CELF2: variants seen among roughly 807,000 people sequenced by gnomAD.
CELF2 encodes CUGBP Elav-like family member 2.
CELF2 carries 8 observed loss-of-function variants against 62.6 expected under a neutral mutation model. That is an observed-to-expected ratio of 0.13 (90% CI 0.07 to 0.23). CELF2 has a LOEUF of 0.23. Among genes scored for constraint, CELF2 ranks in the 10% least tolerant of loss-of-function variants. The probability of loss-of-function intolerance (pLI) is 1.00; values close to 1 mark genes in which losing one functional copy is unlikely to be tolerated. For synonymous variants in CELF2, 258 were observed against 250.0 expected (o/e 1.03, Z -0.30); for missense variants, 333 against 671.0 (o/e 0.50, Z 5.56).
chr10:10,675,100 A>T, the CELF2 span, among the ~76,000 whole-genome samples: 1 of 152,042 alleles, frequency 6.6e-6, no homozygotes, highest in African/African-American at 2.4e-5. Flanking sequence ...ATTTATGTGG[A>T]TCTGAGTTCT....
intron 1 of CELF2, among the ~76,000 whole-genome samples, chr10:10,815,287 C>T (rs1290902146): frequency 2.6e-5 from 4 of 152,056 alleles, no homozygotes; most frequent in Non-Finnish European, 5.9e-5. Context: ...GGGCAACTGG[C>T]CTTGTGCTGA....
chr10:10,627,628 A>G, the CELF2 span, among the ~76,000 whole-genome samples: 1 of 152,200 alleles, frequency 6.6e-6, no homozygotes, highest in Admixed American at 6.5e-5. Flanking sequence ...GCTCTTGGGT[A>G]GAATGCCAAA....
In CELF2 at chr10:11,039,031, G is replaced by T. The variant is rs777227123; in HGVS notation, c.74+20868G>T. Among the ~76,000 whole-genome samples the T allele has an allele frequency of 9.9e-5, 15 of 152,268 alleles. No homozygotes were observed. Among genetic ancestry groups the T allele is most frequent in the Non-Finnish European group, 2.2e-4 (15 of 68,024 alleles). ...CCATCCACCACCCTAAGCCAAGTGCGCCTGAGCTTCCACAGTATCCTGGAC... is the reference window on the plus strand; with the variant it reads ...CCATCCACCACCCTAAGCCAAGTGCTCCTGAGCTTCCACAGTATCCTGGAC... On this transcript the variant is annotated intron_variant, in intron 1 of 12. Transcript: ENST00000633077. This position sits in a 1 kb window ranked among gnomAD's most constrained non-coding sequence, Gnocchi z 4.1.
the CELF2 span, among the ~76,000 whole-genome samples, chr10:10,493,450 CA>C: frequency 4.1e-5 from 6 of 146,790 alleles, no homozygotes; most frequent in South Asian, 2.1e-4. Context: ...TATACTTTAC[CA>C]AAAAAAAATA....
chr10:11,289,639 A>C (rs1022255463), intron 9 of CELF2, among the ~76,000 whole-genome samples: 1 of 152,214 alleles, frequency 6.6e-6, no homozygotes, highest in Admixed American at 6.5e-5. Flanking sequence ...CTGAGATCGC[A>C]TGGCAGGTGT....
chr10:10,955,646 C>T (rs1406277575), intron 2 of CELF2, among the ~76,000 whole-genome samples: 2 of 152,212 alleles, frequency 1.3e-5, no homozygotes, highest in Admixed American at 1.3e-4. Context: ...GCGCCCAGGT[C>T]ACACAGCGAG....
At position 10,928,311 on chromosome 10, in the gene CELF2, G is replaced by A. The variant is rs1339647204; in HGVS notation, c.89+8312G>A. Among the ~76,000 whole-genome samples, 2 of 152,092 alleles carry A rather than the reference G, an allele frequency of 1.3e-5. No homozygotes were observed. The highest frequency in any genetic ancestry group is 2.9e-5 in the Non-Finnish European group (2 of 68,024). On this transcript the variant is annotated intron_variant, in intron 2 of 13. Transcript: ENST00000636488. The surrounding 1 kb of genome is among the most constrained non-coding windows in gnomAD (Gnocchi z 4.8). ...TGACTATATGAGCCCCCATTTCAGA[G>A]ATAAGAAAACTGAGATCTGGTCTCC...
intron 2 of CELF2, among the ~76,000 whole-genome samples, chr10:11,193,853 T>C (rs1057138281): frequency 6.6e-6 from 1 of 152,172 alleles, no homozygotes; most frequent in African/African-American, 2.4e-5. Flanking sequence ...TATAGATTTA[T>C]GAAGTATTGG....
intron 1 of CELF2, among the ~76,000 whole-genome samples, chr10:10,827,100 T>G (rs2132120088): frequency 2.1e-5 from 1 of 48,518 alleles, no homozygotes; most frequent in African/African-American, 1.5e-4. Context: ...CAAAGAGGGT[T>G]GTTTGTTTGT....
At chr10:10,712,466 C>T in the CELF2 span, among the ~76,000 whole-genome samples, 25 of 152,142 alleles carry the variant, frequency 1.6e-4, no homozygotes, top group Non-Finnish European at 3.2e-4. Context: ...CTAATGGACC[C>T]TCTTTTTTTT....
the CELF2 span, among the ~76,000 whole-genome samples, chr10:10,735,379 G>A: frequency 6.6e-6 from 1 of 152,132 alleles, no homozygotes; most frequent in African/African-American, 2.4e-5. Flanking sequence ...CAAGGCATCA[G>A]TATGTTGCGA....
the CELF2 span, among the ~76,000 whole-genome samples, chr10:10,699,241 A>G: frequency 3.3e-5 from 5 of 152,224 alleles, no homozygotes. Context: ...AAAGAAAATA[A>G]TATATGTTTT....
rs540587413 is a variant in CELF2 at position 11,223,653 on chromosome 10, G to T, written c.354+6146G>T. ...GGGGAGCTCCGGAGGAGTCCTTGAG[G>T]GTGCAGAAGCTCCCTTCCCCCTGCA... On this transcript the variant is annotated intron_variant, in intron 3 of 12. Coordinates refer to ENST00000633077, the MANE Select transcript of CELF2 (RefSeq NM_001326342.2). This position sits in a 1 kb window ranked among gnomAD's most constrained non-coding sequence, Gnocchi z 5.1. Among the ~76,000 whole-genome samples the T allele has an allele frequency of 6.6e-6, 1 of 152,332 alleles. No homozygotes were observed. The highest frequency in any genetic ancestry group is 1.5e-5 in the Non-Finnish European group (1 of 68,022).
At chr10:10,469,284 C>A in the CELF2 span, among the ~76,000 whole-genome samples, 5 of 151,942 alleles carry the variant, frequency 3.3e-5, no homozygotes, top group Non-Finnish European at 5.9e-5. Context: ...TTCTTTCCAA[C>A]TGTATGTCTT....
rs1318350674 is a variant in CELF2 at position 10,878,206 on chromosome 10, C to A, written c.54-41758C>A. 2.0e-5 allele frequency among the ~76,000 whole-genome samples: 3 copies of A among 152,290 alleles called. No individual in the cohort carries two copies. The East Asian group carries it at 5.8e-4, about 29-fold the overall frequency. ...ATCTATTAGATGACTCTAATAGAAT[C>A]CTTCACTCTCTGCTAGAAGGAAAGA... On this transcript the variant is annotated intron_variant, in intron 1 of 13. Transcript: ENST00000636488.
At chr10:11,185,005 T>C (rs2074454814) in intron 2 of CELF2, among the ~76,000 whole-genome samples, 1 of 152,188 alleles carries the variant, frequency 6.6e-6, no homozygotes, top group Non-Finnish European at 1.5e-5. Context: ...TGATGTAATG[T>C]ATAGGTTTTT....
chr10:10,682,896 G>A, the CELF2 span, among the ~76,000 whole-genome samples: 1 of 152,014 alleles, frequency 6.6e-6, no homozygotes, highest in African/African-American at 2.4e-5. Context: ...TGAATTCTAT[G>A]GGTCTGTTTT....
At chr10:11,069,721 T>C (rs2069232622) in intron 1 of CELF2, among the ~76,000 whole-genome samples, 1 of 152,250 alleles carries the variant, frequency 6.6e-6, no homozygotes, top group Non-Finnish European at 1.5e-5. Flanking sequence ...GTCACTCTAA[T>C]TGATTGCACC....
rs1037154898 is a variant in CELF2 at position 11,316,143 on chromosome 10, G to A, written c.1096+1885G>A. 2.6e-5 allele frequency among the ~76,000 whole-genome samples: 4 copies of A among 152,226 alleles called. No individual in the cohort carries two copies. The highest frequency in any genetic ancestry group is 5.9e-5 in the Non-Finnish European group (4 of 68,048). ...ATGAGTAGTTCTTGTGTGGGGTCTT[G>A]TGTGATACACATTTTGCTTCTGGCA... is the stretch of plus-strand genomic sequence containing the variant. On this transcript the variant is annotated intron_variant, in intron 10 of 12. Coordinates refer to ENST00000633077, the MANE Select transcript of CELF2 (RefSeq NM_001326342.2). The surrounding 1 kb of genome is among the most constrained non-coding windows in gnomAD (Gnocchi z 4.4).
Sources: gnomAD v4.1 joint callset for allele counts (sites outside exome capture counted in the v4.1 genomes callset) on GRCh38, gnomAD v4.1.1 for gene constraint, Gnocchi (gnomAD v3.1) non-coding constraint, MANE v1.5 for transcripts, NCBI Gene and HGNC (gene_info 2026-07-23, HGNC 2026-07-21) for gene names.